The following ITPR2 variants were observed in gnomAD, a reference collection of about 807,000 sequenced individuals.
ITPR2 encodes inositol 1,4,5-trisphosphate-gated calcium channel ITPR2.
ITPR2 carries 207 observed loss-of-function variants against 317.1 expected under a neutral mutation model. The observed-to-expected ratio is 0.65, with a 90% CI of 0.58 to 0.73. The LOEUF (loss-of-function observed/expected upper bound fraction) is 0.73, where lower values mean the gene tolerates loss of function less well. Among genes scored for constraint, ITPR2 ranks in the 30% least tolerant of loss-of-function variants. ITPR2 has a pLI of 0.00. For missense variants in ITPR2, 2,613 were observed against 3,284.0 expected (o/e 0.80, Z 4.99); for synonymous variants, 1,156 against 1,149.1 (o/e 1.01, Z -0.12).
chr12:26,368,457 A>G (rs1366567847), intron 55 of ITPR2, among the ~76,000 whole-genome samples: 1 of 152,194 alleles, frequency 6.6e-6, no homozygotes, highest in Non-Finnish European at 1.5e-5. Context: ...CTCTGAATAC[A>G]GTTTTAAATG....
chr12:26,738,029 A>G (rs2137076177), intron 2 of ITPR2, among the ~76,000 whole-genome samples: 1 of 152,270 alleles, frequency 6.6e-6, no homozygotes, highest in Middle Eastern at 3.4e-3. Flanking sequence ...GCACACACAT[A>G]CACTACACAA....
chr12:26,465,206 A>G (rs770440870), intron 45 of ITPR2, among the ~76,000 whole-genome samples: 48 of 152,366 alleles, frequency 3.2e-4, no homozygotes, highest in Admixed American at 1.1e-3. Context: ...ACGAAAGATC[A>G]GGAGATTGCG....
chr12:26,475,373 G>A lies in ITPR2; in HGVS notation c.6265C>T (p.His2089Tyr). 6.2e-7 allele frequency: 1 copy of A among 1,613,492 alleles called. No individual in the cohort carries two copies. Among genetic ancestry groups the A allele is most frequent in the South Asian group, 1.1e-5 (1 of 91,042 alleles). Residue 2089 changes from histidine (H) to tyrosine (Y), a missense_variant, in exon 45 of 57, where the codon CAT becomes TAT. Coordinates refer to ENST00000381340, the MANE Select transcript of ITPR2 (RefSeq NM_002223.4). ...NAYNQGLECD[H>Y]GDDEGGDDGV... is the part of the protein sequence containing the mutation. ...TCATCTCCACCCTCATCATCCCCATGGTCACATTCCAATCCTTGGTTATAG... is the reference window on the plus strand; with the variant it reads ...TCATCTCCACCCTCATCATCCCCATAGTCACATTCCAATCCTTGGTTATAG...
intron 50 of ITPR2, among the ~76,000 whole-genome samples, chr12:26,416,549 T>C (rs1431010867): frequency 6.6e-6 from 1 of 152,166 alleles, no homozygotes; most frequent in African/African-American, 2.4e-5. Context: ...TACTGAGGGT[T>C]ATACAGTTAC....
intron 1 of ITPR2, among the ~76,000 whole-genome samples, chr12:26,830,549 C>T (rs1951084637): frequency 6.6e-6 from 1 of 152,202 alleles, no homozygotes; most frequent in African/African-American, 2.4e-5. Context: ...GGGTTAGTCA[C>T]TTCATTTCTC....
intron 39 of ITPR2, among the ~76,000 whole-genome samples, chr12:26,487,902 A>AAGG (rs1272587248): frequency 1.3e-5 from 2 of 152,234 alleles, no homozygotes; most frequent in Non-Finnish European, 2.9e-5. Flanking sequence ...ATTGCTTTGC[A>AAGG]TGGGGTCTCA....
At chr12:26,730,214 T>G (rs1592077582) in intron 2 of ITPR2, among the ~76,000 whole-genome samples, 1 of 152,178 alleles carries the variant, frequency 6.6e-6, no homozygotes, top group Admixed American at 6.5e-5. Flanking sequence ...ATGTAATATC[T>G]TTTTAGAAAT....
At chr12:26,526,287 T>C (rs188023718) in intron 37 of ITPR2, among the ~76,000 whole-genome samples, 287 of 152,320 alleles carry the variant, frequency 1.9e-3, no homozygotes, top group African/African-American at 6.8e-3. Flanking sequence ...AAGGCATTTG[T>C]GCTGAGAATG....
chr12:26,373,084 A>G (rs1295079766), intron 55 of ITPR2, among the ~76,000 whole-genome samples: 1 of 152,212 alleles, frequency 6.6e-6, no homozygotes, highest in Non-Finnish European at 1.5e-5. Flanking sequence ...GGGAAAGCTG[A>G]TCCACATATG....
intron 1 of ITPR2, among the ~76,000 whole-genome samples, chr12:26,803,689 G>A (rs1950597195): frequency 6.6e-6 from 1 of 152,216 alleles, no homozygotes; most frequent in South Asian, 2.1e-4. Context: ...AATGCAGTCA[G>A]TGATTCGTTC....
intron 51 of ITPR2, among the ~76,000 whole-genome samples, chr12:26,414,050 T>TACACACACACACAC (rs777855580): frequency 0.019 from 2,598 of 138,156 alleles, 71 homozygotes; most frequent in African/African-American, 0.061. Flanking sequence ...TGTATATATG[T>TACACACACACACAC]ACACACACAC....
At chr12:26,540,493 C>T (rs1312585762) in intron 37 of ITPR2, among the ~76,000 whole-genome samples, 1 of 151,974 alleles carries the variant, frequency 6.6e-6, no homozygotes, top group African/African-American at 2.4e-5. Flanking sequence ...AATCACAATG[C>T]CATTTTTCAC....
intron 55 of ITPR2, among the ~76,000 whole-genome samples, chr12:26,381,682 C>A (rs939750138): frequency 6.6e-6 from 1 of 152,080 alleles, no homozygotes; most frequent in Non-Finnish European, 1.5e-5. Context: ...AGTTGTTAAT[C>A]AAGAGAAAAA....
chr12:26,646,276 AT>A (rs758942001), intron 21 of ITPR2, among the ~76,000 whole-genome samples: 47 of 148,466 alleles, frequency 3.2e-4, no homozygotes, highest in African/African-American at 8.6e-4. Context: ...TTCCTGGCAG[AT>A]TTTTTTTTTG....
At chr12:26,747,337 C>T (rs1592092391) in intron 2 of ITPR2, among the ~76,000 whole-genome samples, 1 of 152,254 alleles carries the variant, frequency 6.6e-6, no homozygotes, top group East Asian at 1.9e-4. Flanking sequence ...AGTATCTTTG[C>T]AATTCTTGGT....
chr12:26,551,744 C>A (rs948597101), intron 36 of ITPR2, among the ~76,000 whole-genome samples: 1 of 152,148 alleles, frequency 6.6e-6, no homozygotes, highest in Non-Finnish European at 1.5e-5. Context: ...GACATCCCTG[C>A]AAAGGGAATG....
chr12:26,677,844 A>G (rs994938671), intron 13 of ITPR2, among the ~76,000 whole-genome samples: 14 of 152,224 alleles, frequency 9.2e-5, no homozygotes. Context: ...AATAAAATTT[A>G]AGAGAAAATG....
intron 32 of ITPR2, among the ~76,000 whole-genome samples, chr12:26,589,498 T>A (rs1945628546): frequency 6.6e-6 from 1 of 151,652 alleles, no homozygotes; most frequent in African/African-American, 2.4e-5. Flanking sequence ...TTAAAAAATA[T>A]TGTTGTCAGG....
chr12:26,354,287 A>G (rs1938567338), intron 55 of ITPR2, among the ~76,000 whole-genome samples: 1 of 152,174 alleles, frequency 6.6e-6, no homozygotes, highest in Non-Finnish European at 1.5e-5. Context: ...AATAAATAAT[A>G]AAATCCGTTT....
Sources: allele counts gnomAD v4.1 joint callset (sites outside exome capture counted in the v4.1 genomes callset), GRCh38; gene constraint gnomAD v4.1.1; transcripts MANE v1.5; gene names NCBI Gene and HGNC (gene_info 2026-07-23, HGNC 2026-07-21).